PARD3: variants seen among roughly 807,000 people sequenced by gnomAD.
The protein encoded by PARD3 is partitioning defective 3 homolog.
In PARD3, 75 loss-of-function variants were observed where a neutral mutation model predicts 155.4. That is an observed-to-expected ratio of 0.48 (90% confidence interval 0.40 to 0.58). PARD3 has a LOEUF of 0.58. PARD3 is among the 20% of genes least tolerant of loss of function. The pLI is 0.00. For missense variants in PARD3, 1,642 were observed against 1,721.7 expected, an observed-to-expected ratio of 0.95 and a Z score of 0.82; for synonymous variants, 576 against 610.5, an observed-to-expected ratio of 0.94 and a Z score of 0.83.
intron 3 of PARD3, among the ~76,000 whole-genome samples, chr10:34,504,870 A>G (rs2080956072): frequency 6.6e-6 from 1 of 152,242 alleles, no homozygotes; most frequent in Non-Finnish European, 1.5e-5. Flanking sequence ...CAAACGTATT[A>G]TCAAGAAGTA....
chr10:34,527,277 C>CT (rs1403161983), intron 2 of PARD3, among the ~76,000 whole-genome samples: 9 of 152,180 alleles, frequency 5.9e-5, no homozygotes, highest in African/African-American at 2.2e-4. Flanking sequence ...ATTTCCAACT[C>CT]TAAGAACTAG....
intron 3 of PARD3, among the ~76,000 whole-genome samples, chr10:34,513,527 C>T (rs2081528123): frequency 6.6e-6 from 1 of 152,198 alleles, no homozygotes; most frequent in South Asian, 2.1e-4. Flanking sequence ...ATGATTCGCC[C>T]ACCTTGGCCT....
intron 22 of PARD3, among the ~76,000 whole-genome samples, chr10:34,198,480 G>T (rs1201102111): frequency 6.6e-6 from 1 of 151,684 alleles, no homozygotes; most frequent in East Asian, 1.9e-4. Context: ...GTGTGTGTGT[G>T]TGTGTGTATG....
At chr10:34,721,354 C>T (rs558357499) in intron 1 of PARD3, among the ~76,000 whole-genome samples, 6 of 152,256 alleles carry the variant, frequency 3.9e-5, no homozygotes, top group Non-Finnish European at 7.3e-5. Context: ...GCGAACAGGG[C>T]GTAAAGTAAG....
intron 20 of PARD3, among the ~76,000 whole-genome samples, chr10:34,310,604 A>T (rs1334374562): frequency 6.6e-6 from 1 of 152,224 alleles, no homozygotes; most frequent in Non-Finnish European, 1.5e-5. Flanking sequence ...CTTCCTCTGC[A>T]TTCAGCCTGG....
chr10:34,412,642 G>A (rs1845208335), intron 5 of PARD3, among the ~76,000 whole-genome samples: 2 of 152,176 alleles, frequency 1.3e-5, no homozygotes, highest in African/African-American at 4.8e-5. Context: ...CGTTTCATTA[G>A]ATTTAATAAC....
chr10:34,804,860 TTC>T (rs1843174184), intron 1 of PARD3, among the ~76,000 whole-genome samples: 1 of 152,136 alleles, frequency 6.6e-6, no homozygotes, highest in South Asian at 2.1e-4. Context: ...CAACACTCCT[TTC>T]TTTGTGTTTT....
At chr10:34,379,778 G>C (rs1841637792) in intron 9 of PARD3, among the ~76,000 whole-genome samples, 2 of 151,994 alleles carry the variant, frequency 1.3e-5, no homozygotes, top group Admixed American at 1.3e-4. Flanking sequence ...TTATTAAAAA[G>C]CTAATTTCTA....
intron 17 of PARD3, among the ~76,000 whole-genome samples, chr10:34,336,583 A>G (rs1337209678): frequency 6.6e-6 from 1 of 152,170 alleles, no homozygotes; most frequent in African/African-American, 2.4e-5. Context: ...AGCATAAGTT[A>G]CAGTTGATTA....
intron 1 of PARD3, among the ~76,000 whole-genome samples, chr10:34,714,963 G>A (rs1226911907): frequency 3.3e-5 from 5 of 151,584 alleles, no homozygotes; most frequent in South Asian, 2.1e-4. Context: ...TTGTAGAGAC[G>A]GCGTCTCACC....
At chr10:34,480,614 A>T (rs535506710) in intron 3 of PARD3, among the ~76,000 whole-genome samples, 8 of 152,220 alleles carry the variant, frequency 5.3e-5, no homozygotes, top group African/African-American at 1.7e-4. Flanking sequence ...TTTACAACTC[A>T]TCCACTCTAG....
chr10:34,637,998 C>A (rs943327563), intron 2 of PARD3, among the ~76,000 whole-genome samples: 1 of 152,158 alleles, frequency 6.6e-6, no homozygotes, highest in East Asian at 1.9e-4. Context: ...GACACACGGA[C>A]TGTGCACCCG....
intron 20 of PARD3, among the ~76,000 whole-genome samples, chr10:34,307,635 G>T (rs1159817151): frequency 6.6e-6 from 1 of 152,136 alleles, no homozygotes; most frequent in Non-Finnish European, 1.5e-5. Context: ...GCTGCTCCAA[G>T]GTGTTATTCC....
At chr10:34,691,402 C>G (rs1006081757) in intron 2 of PARD3, among the ~76,000 whole-genome samples, 1 of 152,112 alleles carries the variant, frequency 6.6e-6, no homozygotes, top group African/African-American at 2.4e-5. Flanking sequence ...CGAAAGATCT[C>G]TACAATGAGA....
At chr10:34,265,516 C>T (rs948576659) in intron 22 of PARD3, among the ~76,000 whole-genome samples, 1 of 152,166 alleles carries the variant, frequency 6.6e-6, no homozygotes, top group Non-Finnish European at 1.5e-5. Context: ...CCTGCATTCC[C>T]ATGAAATCCA....
intron 22 of PARD3, among the ~76,000 whole-genome samples, chr10:34,251,206 C>G (rs1049606002): frequency 1.3e-5 from 2 of 152,154 alleles, no homozygotes; most frequent in Non-Finnish European, 2.9e-5. Flanking sequence ...GGTGACAAAT[C>G]TAACTTAAGT....
At chr10:34,762,546 C>G (rs1179685968) in intron 1 of PARD3, among the ~76,000 whole-genome samples, 1 of 147,830 alleles carries the variant, frequency 6.8e-6, no homozygotes, top group African/African-American at 2.5e-5. Flanking sequence ...CGGACTCAAG[C>G]AATCCTCCAG....
intron 22 of PARD3, among the ~76,000 whole-genome samples, chr10:34,158,597 G>A (rs1252333427): frequency 2.0e-5 from 3 of 152,144 alleles, no homozygotes; most frequent in African/African-American, 7.2e-5. Context: ...ATAAGAAACC[G>A]GGTCCCAAGC....
intron 16 of PARD3, among the ~76,000 whole-genome samples, chr10:34,340,036 A>G (rs1443903649): frequency 6.6e-6 from 1 of 152,138 alleles, no homozygotes; most frequent in East Asian, 1.9e-4. Flanking sequence ...AAAAGCTTGC[A>G]TTTTCTGCTG....
Sources: allele counts gnomAD v4.1 joint callset (sites outside exome capture counted in the v4.1 genomes callset), GRCh38; gene constraint gnomAD v4.1.1; transcripts MANE v1.5; gene names NCBI Gene and HGNC (gene_info 2026-07-23, HGNC 2026-07-21).